Variants in PLCE1 observed in about 807,000 individuals in gnomAD.
PLCE1 encodes phospholipase C epsilon 1.
In PLCE1, 119 loss-of-function variants were observed where a neutral mutation model predicts 242.8. The observed-to-expected ratio is 0.49, with a 90% CI of 0.42 to 0.57. The LOEUF (loss-of-function observed/expected upper bound fraction) is 0.57, where lower values mean the gene tolerates loss of function less well. PLCE1 is among the 20% of genes least tolerant of loss of function. PLCE1 has a pLI of 0.00. For synonymous variants in PLCE1, 945 were observed against 1,017.4 expected (o/e 0.93, Z 1.35); for missense variants, 2,441 against 2,788.8 (o/e 0.88, Z 2.81).
intron 2 of PLCE1, among the ~76,000 whole-genome samples, chr10:94,054,397 C>T (rs1342770815): frequency 6.6e-6 from 1 of 152,170 alleles, no homozygotes; most frequent in East Asian, 1.9e-4. Flanking sequence ...CTAGGCCTAG[C>T]CCATTAACAG....
In PLCE1 at chr10:94,308,719, C is replaced by A; in HGVS notation, c.6003+20C>A. On this transcript the variant is annotated intron_variant, in intron 27 of 32. Transcript: ENST00000371380. ...TCTTCGGTAATGAAGTTCTGTTTCACTCAACATATTTATGGGGATTGCTAC... is the reference window on the plus strand; with the variant it reads ...TCTTCGGTAATGAAGTTCTGTTTCAATCAACATATTTATGGGGATTGCTAC... 1 of 1,486,788 alleles carries A rather than the reference C, an allele frequency of 6.7e-7. No individual in the cohort carries two copies. The highest frequency in any genetic ancestry group is 9.4e-7 in the Non-Finnish European group (1 of 1,063,894). The allele number at this position is 1,486,788 out of a possible 1,614,324, so 92.1% of individuals were successfully genotyped here.
chr10:94,123,736 T>C (rs1366455626), intron 2 of PLCE1, among the ~76,000 whole-genome samples: 1 of 152,184 alleles, frequency 6.6e-6, no homozygotes, highest in Non-Finnish European at 1.5e-5. Context: ...GCTTGTAGAT[T>C]CCAAAGTTAG....
intron 1 of PLCE1, among the ~76,000 whole-genome samples, chr10:93,994,971 A>G (rs2060793458): frequency 6.6e-6 from 1 of 152,254 alleles, no homozygotes; most frequent in Non-Finnish European, 1.5e-5. Flanking sequence ...CACGAAGGTC[A>G]TAATTTCAGT....
intron 2 of PLCE1, chr10:94,089,132 C>T (rs370832449): frequency 1.2e-6 from 2 of 1,613,768 alleles, no homozygotes; most frequent in Non-Finnish European, 1.7e-6. Context: ...AGAGACTTTG[C>T]AGGAATGGAA....
chr10:94,109,455 A>G (rs987124401), intron 2 of PLCE1, among the ~76,000 whole-genome samples: 11 of 152,134 alleles, frequency 7.2e-5, no homozygotes, highest in African/African-American at 2.7e-4. Context: ...TAAAAATACA[A>G]AAATTCGCCA....
At chr10:94,070,147 G>A (rs1189921370) in intron 2 of PLCE1, among the ~76,000 whole-genome samples, 1 of 152,134 alleles carries the variant, frequency 6.6e-6, no homozygotes, top group East Asian at 1.9e-4. Flanking sequence ...ATGAGGTACT[G>A]TCAGCCAATT....
intron 20 of PLCE1, 39 bp downstream of exon 20, chr10:94,279,950 TC>T: frequency 6.2e-7 from 1 of 1,608,576 alleles, no homozygotes; most frequent in Non-Finnish European, 8.5e-7. Context: ...ACAGGAAAAT[TC>T]TTGGATGATT....
intron 1 of PLCE1, among the ~76,000 whole-genome samples, chr10:93,999,579 T>G (rs1033101297): frequency 2.3e-4 from 35 of 152,314 alleles, no homozygotes; most frequent in African/African-American, 8.2e-4. Context: ...CCCAGAACAC[T>G]GGTTATTGAA....
At chr10:93,996,368 G>T (rs775736019) in intron 1 of PLCE1, among the ~76,000 whole-genome samples, 2 of 152,228 alleles carry the variant, frequency 1.3e-5, no homozygotes, top group Non-Finnish European at 2.9e-5. Flanking sequence ...GAGATCTGTG[G>T]CATTGAGCAA....
chr10:94,002,338 A>C (rs1019345565), intron 1 of PLCE1, among the ~76,000 whole-genome samples: 1 of 152,302 alleles, frequency 6.6e-6, no homozygotes, highest in Middle Eastern at 3.4e-3. Context: ...CTCTAATGCC[A>C]AGTCATGGGA....
chr10:94,290,682 A>AT (rs1564867079), intron 22 of PLCE1, among the ~76,000 whole-genome samples: 1 of 151,504 alleles, frequency 6.6e-6, no homozygotes, highest in Non-Finnish European at 1.5e-5. Flanking sequence ...ATATATATAT[A>AT]TGTAACTTAA....
intron 4 of PLCE1, among the ~76,000 whole-genome samples, chr10:94,191,824 A>C (rs1177693704): frequency 6.6e-6 from 1 of 152,120 alleles, no homozygotes; most frequent in Admixed American, 6.6e-5. Context: ...GCCTTAGAAA[A>C]GGCTGCCTGT....
intron 22 of PLCE1, among the ~76,000 whole-genome samples, chr10:94,291,969 C>T (rs758646270): frequency 5.9e-5 from 9 of 152,080 alleles, no homozygotes; most frequent in Non-Finnish European, 1.3e-4. Context: ...CTGAAGTACC[C>T]ACATTCTGGT....
chr10:94,034,842 T>C (rs1174962565), intron 2 of PLCE1, among the ~76,000 whole-genome samples: 2 of 152,192 alleles, frequency 1.3e-5, no homozygotes, highest in African/African-American at 4.8e-5. Flanking sequence ...CAGAGCTCTT[T>C]GCTTTTTGAT....
intron 24 of PLCE1, among the ~76,000 whole-genome samples, chr10:94,302,665 A>AAG (rs1289620928): frequency 2.6e-5 from 4 of 152,280 alleles, no homozygotes; most frequent in Middle Eastern, 3.4e-3. Context: ...GGCTCGATTT[A>AAG]TAGCATCCAC....
rs2052110775 is a variant in PLCE1 at position 94,279,503 on chromosome 10, G to A, written c.4666-279G>A. The A allele has an allele frequency of 2.3e-5, 11 of 470,002 alleles. No homozygotes were observed. In the South Asian group the frequency reaches 2.6e-4, roughly 11 times the overall value. 29.1% of individuals were successfully genotyped at this position (470,002 alleles called of 1,614,324 possible). The stretch of plus-strand genomic sequence containing the variant: ...TCCAAATCACCAAAGCTTTCTCTTG[G>A]AGGGGTTGTCCTGGGAACCTGGCTA... On this transcript the variant is annotated intron_variant, in intron 19 of 32. Transcript: ENST00000371380.
intron 4 of PLCE1, among the ~76,000 whole-genome samples, chr10:94,179,552 G>T (rs1226586765): frequency 1.1e-5 from 1 of 89,006 alleles, no homozygotes; most frequent in African/African-American, 3.7e-5. Context: ...TGTTGCCCAG[G>T]CTGGAGTACA....
At chr10:94,130,062 T>C (rs767514721) in intron 2 of PLCE1, among the ~76,000 whole-genome samples, 1 of 152,250 alleles carries the variant, frequency 6.6e-6, no homozygotes, top group Non-Finnish European at 1.5e-5. Flanking sequence ...TAAGCCTTCC[T>C]TAGCCATCAA....
At chr10:94,113,015 TA>T (rs1306898520) in intron 2 of PLCE1, among the ~76,000 whole-genome samples, 1 of 152,134 alleles carries the variant, frequency 6.6e-6, no homozygotes, top group African/African-American at 2.4e-5. Flanking sequence ...TTATGCCTCT[TA>T]AAGAAGCCAG....
Sources: gnomAD v4.1 joint callset for allele counts (sites outside exome capture counted in the v4.1 genomes callset) on GRCh38, gnomAD v4.1.1 for gene constraint, MANE v1.5 for transcripts, NCBI Gene and HGNC (gene_info 2026-07-23, HGNC 2026-07-21) for gene names.